Variants in RIMS2 observed in about 807,000 individuals in gnomAD.
RIMS2 encodes regulating synaptic membrane exocytosis protein 2.
RIMS2 carries 59 observed loss-of-function variants against 174.4 expected under a neutral mutation model. That is an observed-to-expected ratio of 0.34 (90% CI 0.27 to 0.42). The LOEUF (loss-of-function observed/expected upper bound fraction) is 0.42. RIMS2 is among the 10% of genes least tolerant of loss of function. The pLI is 1.00. For missense variants in RIMS2, 1,620 were observed against 1,666.3 expected (o/e 0.97, Z 0.48); for synonymous variants, 606 against 572.5 (o/e 1.06, Z -0.84).
At chr8:103,513,593 G>T (rs577687374) in intron 1 of RIMS2, among the ~76,000 whole-genome samples, 45 of 152,294 alleles carry the variant, frequency 3.0e-4, no homozygotes, top group Non-Finnish European at 5.3e-4. Flanking sequence ...GTCAGGCCAG[G>T]AATTTTGGCC....
At chr8:103,747,942 C>T (rs929300239) in intron 2 of RIMS2, among the ~76,000 whole-genome samples, 5 of 152,086 alleles carry the variant, frequency 3.3e-5, no homozygotes, top group African/African-American at 1.2e-4. Flanking sequence ...AGTAAATCCT[C>T]CTTGGGTGGG....
At chr8:104,000,958 T>C (rs1207701378) in intron 17 of RIMS2, among the ~76,000 whole-genome samples, 1 of 151,858 alleles carries the variant, frequency 6.6e-6, no homozygotes, top group East Asian at 1.9e-4. Flanking sequence ...ATATATTCTG[T>C]TTATTAATCC....
chr8:103,643,799 T>A (rs2096274718), intron 1 of RIMS2, among the ~76,000 whole-genome samples: 1 of 151,724 alleles, frequency 6.6e-6, no homozygotes, highest in South Asian at 2.1e-4. Flanking sequence ...CCTCAGTCTG[T>A]CAATGAGCTT....
chr8:103,611,163 T>C (rs1037082291), intron 1 of RIMS2, among the ~76,000 whole-genome samples: 1 of 152,126 alleles, frequency 6.6e-6, no homozygotes, highest in African/African-American at 2.4e-5. Flanking sequence ...TTTTGTTTTG[T>C]ATTTCTATGG....
rs575076948 is a variant in RIMS2, at chr8:103,825,470, A to T, written c.698+58933A>T. Among the ~76,000 whole-genome samples, 947 of 117,474 alleles carry T rather than the reference A, an allele frequency of 8.1e-3. 7 individuals are homozygous for T. Among genetic ancestry groups the T allele is most frequent in the Non-Finnish European group, 0.012 (658 of 55,820 alleles). 77.1% of individuals were successfully genotyped at this position (117,474 alleles called of 152,430 possible). A position where few individuals can be genotyped will look rare whatever the true frequency, so the allele number is the denominator to read the frequency against. ...AATTTTTTTTTTTTTTTTTTGTTAG[A>T]GATGGGGTTTCGCCATGTTGTCCAG... is the stretch of plus-strand genomic sequence containing the variant. On this transcript the variant is annotated intron_variant, in intron 3 of 23. Transcript: ENST00000504942.
At chr8:103,512,054 C>G (rs1826711810) in intron 1 of RIMS2, among the ~76,000 whole-genome samples, 2 of 152,124 alleles carry the variant, frequency 1.3e-5, no homozygotes, top group South Asian at 4.2e-4. Flanking sequence ...GGGAAGCCAC[C>G]TCTTGGGGTG....
At chr8:103,831,627 G>A (rs374959058) in intron 3 of RIMS2, among the ~76,000 whole-genome samples, 2 of 152,064 alleles carry the variant, frequency 1.3e-5, no homozygotes, top group South Asian at 2.1e-4. Context: ...GCTTGTCTTT[G>A]GTAGTTAATA....
intron 3 of RIMS2, among the ~76,000 whole-genome samples, chr8:103,862,109 G>T (rs912130363): frequency 6.6e-6 from 1 of 152,014 alleles, no homozygotes; most frequent in Non-Finnish European, 1.5e-5. Flanking sequence ...ATAGTTTCAG[G>T]TCTTACATGT....
intron 1 of RIMS2, among the ~76,000 whole-genome samples, chr8:103,634,320 T>C (rs1444890713): frequency 1.3e-5 from 2 of 152,250 alleles, no homozygotes; most frequent in Admixed American, 1.3e-4. Context: ...TCCATGTAAT[T>C]GTATTGTTTC....
chr8:104,039,646 T>C (rs1171369728), intron 19 of RIMS2, among the ~76,000 whole-genome samples: 1 of 151,744 alleles, frequency 6.6e-6, no homozygotes, highest in African/African-American at 2.4e-5. Flanking sequence ...GAGGGAACTA[T>C]TTTAGTAGTA....
At chr8:104,108,334 G>A (rs542482053) in intron 19 of RIMS2, among the ~76,000 whole-genome samples, 8 of 151,766 alleles carry the variant, frequency 5.3e-5, no homozygotes, top group Non-Finnish European at 1.2e-4. Context: ...TATGATTACT[G>A]CATGCCATAT....
At chr8:103,762,485 G>T (rs567372956) in intron 2 of RIMS2, among the ~76,000 whole-genome samples, 2 of 152,214 alleles carry the variant, frequency 1.3e-5, no homozygotes, top group Admixed American at 6.5e-5. Flanking sequence ...GATAAATTTT[G>T]TTCCATGGAC....
intron 19 of RIMS2, among the ~76,000 whole-genome samples, chr8:104,194,267 A>C (rs940992739): frequency 6.6e-6 from 1 of 152,166 alleles, no homozygotes; most frequent in East Asian, 1.9e-4. Flanking sequence ...TGTTGGGGCA[A>C]GCTTTCTGCA....
chr8:103,766,319 G>A, exon 3 of RIMS2: 1 of 1,612,860 alleles, frequency 6.2e-7, no homozygotes, highest in South Asian at 1.1e-5. Context: ...ATACACCACA[G>A]CAACCTGATC....
chr8:104,088,808 AT>A (rs2097580896), intron 19 of RIMS2, among the ~76,000 whole-genome samples: 1 of 151,936 alleles, frequency 6.6e-6, no homozygotes, highest in African/African-American at 2.4e-5. Flanking sequence ...ATTGTAATTT[AT>A]TTTTTTAAGT....
At chr8:103,922,093 A>G (rs1369069661) in intron 10 of RIMS2, 1 of 181,186 alleles carries the variant, frequency 5.5e-6, no homozygotes, top group Non-Finnish European at 1.2e-5. Flanking sequence ...ATGACTATAA[A>G]TTGTCATAGA....
intron 3 of RIMS2, among the ~76,000 whole-genome samples, chr8:103,848,600 C>A (rs118154241): frequency 6.6e-6 from 1 of 151,998 alleles, no homozygotes; most frequent in South Asian, 2.1e-4. Context: ...CATTTCTACC[C>A]TGACTACATG....
intron 19 of RIMS2, among the ~76,000 whole-genome samples, chr8:104,168,905 C>A (rs567465641): frequency 2.0e-5 from 3 of 151,866 alleles, no homozygotes; most frequent in Non-Finnish European, 4.4e-5. Flanking sequence ...TTGAGATGAT[C>A]GTATAATTTT....
intron 16 of RIMS2, among the ~76,000 whole-genome samples, chr8:103,982,127 TATATGCCA>T (rs2093957288): frequency 6.6e-6 from 1 of 152,098 alleles, no homozygotes; most frequent in African/African-American, 2.4e-5. Context: ...TGTGAGCAAC[TATATGCCA>T]ATAAATTGGA....
Sources: gnomAD v4.1 joint callset for allele counts (sites outside exome capture counted in the v4.1 genomes callset) on GRCh38, gnomAD v4.1.1 for gene constraint, MANE v1.5 for transcripts, NCBI Gene and HGNC (gene_info 2026-07-23, HGNC 2026-07-21) for gene names.